Variants in SVEP1 observed in about 807,000 individuals in gnomAD.
The protein encoded by SVEP1 is sushi, von Willebrand factor type A, EGF and pentraxin domain-containing protein 1.
SVEP1 carries 164 observed loss-of-function variants against 367.3 expected under a neutral mutation model. The observed-to-expected ratio is 0.45, with a 90% CI of 0.39 to 0.51. The LOEUF (loss-of-function observed/expected upper bound fraction) is 0.51, where lower values mean the gene tolerates loss of function less well. Among genes scored for constraint, SVEP1 ranks in the 20% least tolerant of loss-of-function variants. The pLI, the probability that SVEP1 is intolerant of heterozygous loss-of-function variation, is 0.00. For missense variants in SVEP1, 4,117 were observed against 4,425.3 expected, an observed-to-expected ratio of 0.93 and a Z score of 1.98; for synonymous variants, 1,666 against 1,611.6, an observed-to-expected ratio of 1.03 and a Z score of -0.81.
intron 1 of SVEP1, among the ~76,000 whole-genome samples, chr9:110,554,197 A>G (rs949382946): frequency 6.6e-6 from 1 of 152,006 alleles, no homozygotes; most frequent in African/African-American, 2.4e-5. Context: ...TCTGGTAAGG[A>G]AAGTCTACCA....
intron 18 of SVEP1, among the ~76,000 whole-genome samples, chr9:110,459,918 G>T (rs1206714032): frequency 6.6e-6 from 1 of 151,858 alleles, no homozygotes; most frequent in Admixed American, 6.6e-5. Flanking sequence ...GGTTTTTTAT[G>T]ATTATTTTAT....
intron 36 of SVEP1, among the ~76,000 whole-genome samples, chr9:110,425,822 CAA>C (rs1828245328): frequency 1.3e-5 from 2 of 152,040 alleles, no homozygotes; most frequent in African/African-American, 4.8e-5. Context: ...AATATACATG[CAA>C]AGACAAAATT....
chr9:110,455,797 G>A, intron 21 of SVEP1, 94 bp from the exon 22 acceptor site: 1 of 972,808 alleles, frequency 1.0e-6, no homozygotes. Flanking sequence ...TCAATAATCA[G>A]AATTTTTAAA....
chr9:110,570,831 C>A (rs1422387125), intron 1 of SVEP1, among the ~76,000 whole-genome samples: 1 of 152,012 alleles, frequency 6.6e-6, no homozygotes, highest in Non-Finnish European at 1.5e-5. Flanking sequence ...ATCATCTGCC[C>A]TAAGGACTAA....
intron 3 of SVEP1, among the ~76,000 whole-genome samples, chr9:110,530,460 A>C (rs185421410): frequency 1.3e-5 from 2 of 152,316 alleles, no homozygotes; most frequent in East Asian, 3.9e-4. Flanking sequence ...CATAAGTATT[A>C]TAATAACTGG....
At position 110,408,207 on chromosome 9, in the gene SVEP1, T is replaced by C. The variant is rs2118495479; in HGVS notation, c.7393A>G (p.Thr2465Ala). ...GLAYLSTALYTCKPGFELVGN... is the reference protein window; with the variant it reads ...GLAYLSTALYACKPGFELVGN... Reference sequence around the variant, plus strand: ...ACCAATTCAAAGCCTGGCTTGCAGGTATAGAGAGCTGTGCTGAGATAGGCA... The same window carrying C: ...ACCAATTCAAAGCCTGGCTTGCAGGCATAGAGAGCTGTGCTGAGATAGGCA... The change falls in exon 38 of 48, where the codon ACC becomes GCC. Residue 2465 changes from threonine to alanine, a missense_variant. Physicochemically the swap from Thr to Ala is moderately conservative, Grantham distance 58. This residue lies in a region of SVEP1 where 1,765 missense variants were observed against 1,781.1 expected (regional missense o/e 0.99). Transcript: ENST00000374469. 1.2e-6 allele frequency: 2 copies of C among 1,613,890 alleles called. No individual in the cohort carries two copies. The highest frequency in any genetic ancestry group is 3.3e-4 in the Middle Eastern group (2 of 6,062).
chr9:110,473,306 G>A (rs779747293), intron 14 of SVEP1, among the ~76,000 whole-genome samples: 7 of 152,060 alleles, frequency 4.6e-5, no homozygotes, highest in Non-Finnish European at 8.8e-5. Context: ...TAAAAAAAAT[G>A]AGCAAAGAGA....
intron 4 of SVEP1, among the ~76,000 whole-genome samples, chr9:110,513,461 G>T (rs945049907): frequency 2.7e-4 from 41 of 151,874 alleles, no homozygotes; most frequent in Non-Finnish European, 1.3e-4. Context: ...AACAAATAAG[G>T]CTAGCAAAGT....
chr9:110,504,919 G>C (rs1051177739), intron 5 of SVEP1, among the ~76,000 whole-genome samples: 1 of 152,088 alleles, frequency 6.6e-6, no homozygotes, highest in Non-Finnish European at 1.5e-5. Context: ...TGTTATCTAG[G>C]AGCACATTTC....
At chr9:110,553,219 G>A (rs1289184684) in intron 1 of SVEP1, among the ~76,000 whole-genome samples, 3 of 152,120 alleles carry the variant, frequency 2.0e-5, no homozygotes, top group Non-Finnish European at 2.9e-5. Flanking sequence ...AGAGCTTCAC[G>A]TCAACTACAG....
chr9:110,404,635 C>A, intron 38 of SVEP1, 83 bp from the exon 39 acceptor site: 1 of 1,272,562 alleles, frequency 7.9e-7, no homozygotes, highest in Non-Finnish European at 1.1e-6. Flanking sequence ...GAAGCTGTTA[C>A]AAGGCTCAGT....
At position 110,427,171 on chromosome 9, in the gene SVEP1, G is replaced by A. The variant is rs1005692042; in HGVS notation, c.5975+420C>T. ...AAAGTAGCCGGGTGTGGTGGCAGGC[G>A]CCTGTAGTCCCAGCTACTTGGGAGG... is the stretch of plus-strand genomic sequence containing the variant. On this transcript the variant is annotated intron_variant, in intron 36 of 47. Transcript: ENST00000374469. Among the ~76,000 whole-genome samples the A allele has an allele frequency of 4.6e-5, 7 of 151,760 alleles. No homozygotes were observed. In the East Asian group the frequency reaches 9.7e-4, roughly 21 times the overall value.
intron 3 of SVEP1, among the ~76,000 whole-genome samples, chr9:110,528,156 G>GTATGTATATA (rs1554721448): frequency 2.9e-5 from 1 of 33,950 alleles, no homozygotes; most frequent in Non-Finnish European, 5.7e-5. Context: ...GTGTGTGTGT[G>GTATGTATATA]TATATATATA....
At chr9:110,545,133 A>G (rs1017096475) in intron 3 of SVEP1, among the ~76,000 whole-genome samples, 1 of 152,144 alleles carries the variant, frequency 6.6e-6, no homozygotes, top group Non-Finnish European at 1.5e-5. Flanking sequence ...TCCATTGTGT[A>G]TATAGACCAC....
chr9:110,489,553 A>G, intron 9 of SVEP1, 97 bp downstream of exon 9: 1 of 1,190,592 alleles, frequency 8.4e-7, no homozygotes. Context: ...TGATTCAATT[A>G]CCTCCCACTG....
intron 30 of SVEP1, among the ~76,000 whole-genome samples, 162 bp from the exon 31 acceptor site, chr9:110,432,797 G>T (rs936233875): frequency 6.6e-6 from 1 of 152,190 alleles, no homozygotes; most frequent in South Asian, 2.1e-4. Flanking sequence ...AACCCTCAGC[G>T]TCTAGCACAT....
intron 44 of SVEP1, 93 bp from the exon 45 acceptor site, chr9:110,377,459 C>T: frequency 8.7e-7 from 1 of 1,154,724 alleles, no homozygotes; most frequent in Non-Finnish European, 1.2e-6. Context: ...CATACTATTT[C>T]CTTGAGTCAA....
chr9:110,493,014 G>A (rs936355617), intron 8 of SVEP1, among the ~76,000 whole-genome samples: 18 of 152,104 alleles, frequency 1.2e-4, no homozygotes, highest in Non-Finnish European at 2.2e-4. Flanking sequence ...AAATGTGTCA[G>A]CCTGCACTCC....
intron 3 of SVEP1, among the ~76,000 whole-genome samples, chr9:110,544,266 A>C (rs1278953202): frequency 6.6e-6 from 1 of 152,190 alleles, no homozygotes; most frequent in Non-Finnish European, 1.5e-5. Context: ...GTTCACACGA[A>C]ACAAGCAATG....
Sources: gnomAD v4.1 joint callset for allele counts (sites outside exome capture counted in the v4.1 genomes callset) on GRCh38, gnomAD v4.1.1 for gene constraint, gnomAD v4.1.1 regional missense constraint, MANE v1.5 for transcripts, NCBI Gene and HGNC (gene_info 2026-07-23, HGNC 2026-07-21) for gene names.